Variants in AGBL2 observed in about 807,000 individuals in gnomAD.
AGBL2 encodes the protein AGBL carboxypeptidase 2.
A neutral mutation model predicts 103.0 loss-of-function variants in AGBL2; 87 were observed. The observed-to-expected ratio is 0.84, with a 90% CI of 0.71 to 1.01. The LOEUF is 1.01. Among genes scored for constraint, AGBL2 ranks in the 50% least tolerant of loss-of-function variants. The probability of loss-of-function intolerance (pLI) is 0.00; values close to 1 mark genes in which losing one functional copy is unlikely to be tolerated. For missense variants in AGBL2, 904 were observed against 1,023.5 expected, an observed-to-expected ratio of 0.88 and a Z score of 1.59; for synonymous variants, 335 against 356.7, an observed-to-expected ratio of 0.94 and a Z score of 0.69.
chr11:47,679,923 T>C, intron 13 of AGBL2, 50 bp downstream of exon 13: 1 of 1,223,596 alleles, frequency 8.2e-7, no homozygotes, highest in Non-Finnish European at 1.2e-6. Flanking sequence ...ATTACAGGTG[T>C]GAGCCACCAT....
Position 47,714,670 on chromosome 11 carries a change from C to G in AGBL2, c.-20G>C, listed in dbSNP as rs1310539773. On this transcript the variant is annotated 5_prime_UTR_variant, in exon 2 of 19. Coordinates refer to ENST00000525123, the MANE Select transcript of AGBL2 (RefSeq NM_024783.4). ...GAACATGTTACTTCTGGATGGTAGG[C>G]TGAAAACTAGTCAGTGACATTAGCA... 1 of 1,613,708 alleles carries G rather than the reference C, an allele frequency of 6.2e-7. No individual in the cohort carries two copies. Among genetic ancestry groups the G allele is most frequent in the Non-Finnish European group, 8.5e-7 (1 of 1,179,788 alleles).
At chr11:47,710,610 C>G in intron 3 of AGBL2, 99 bp from the exon 4 acceptor site, 1 of 1,378,050 alleles carries the variant, frequency 7.3e-7, no homozygotes, top group South Asian at 1.2e-5. Flanking sequence ...TCACCACCCA[C>G]CACCACAGCC....
chr11:47,709,789 G>A (rs984481067), intron 4 of AGBL2, among the ~76,000 whole-genome samples: 1 of 151,864 alleles, frequency 6.6e-6, no homozygotes, highest in Admixed American at 6.6e-5. Flanking sequence ...GAGTTTTGCC[G>A]TGTTGCCCAG....
At position 47,676,810 on chromosome 11, in the gene AGBL2, T is replaced by G. The variant is rs187627901; in HGVS notation, c.2147+461A>C. Among the ~76,000 whole-genome samples the G allele has an allele frequency of 7.1e-3, 724 of 102,368 alleles. 7 individuals are homozygous for G. The highest frequency in any genetic ancestry group is 0.033 in the African/African-American group (653 of 19,604). 67.2% of individuals were successfully genotyped at this position (102,368 alleles called of 152,430 possible). Reference sequence around the variant, plus strand: ...GCCTGGGCGACAGAGCGAGCCTCCATCTCAAAAAAAAAAAAAAAAAAAAAG... The same window carrying G: ...GCCTGGGCGACAGAGCGAGCCTCCAGCTCAAAAAAAAAAAAAAAAAAAAAG... On this transcript the variant is annotated intron_variant, in intron 14 of 18. Transcript: ENST00000525123.
intron 14 of AGBL2, among the ~76,000 whole-genome samples, chr11:47,672,140 G>A (rs1325116704): frequency 6.6e-6 from 1 of 152,064 alleles, no homozygotes; most frequent in East Asian, 1.9e-4. Context: ...AAATAGAAAT[G>A]GGATCTCACT....
chr11:47,669,690 A>G (rs1465091540), intron 14 of AGBL2, among the ~76,000 whole-genome samples: 1 of 152,094 alleles, frequency 6.6e-6, no homozygotes, highest in East Asian at 1.9e-4. Context: ...TAAAAAAAAA[A>G]AAGAAAAATT....
rs139030470 is a variant in AGBL2 at position 47,673,826 on chromosome 11, G to A, written c.2147+3445C>T. Among the ~76,000 whole-genome samples, 245 of 144,502 alleles carry A rather than the reference G, an allele frequency of 1.7e-3. 7 individuals carry two copies. The East Asian group carries it at 0.037, about 22-fold the overall frequency. The allele number at this position is 144,502 out of a possible 152,430, so 94.8% of individuals were successfully genotyped here. The stretch of plus-strand genomic sequence containing the variant: ...AAAAAAAAAAAAAAATTGGCCAGGC[G>A]CAGTGGTTCATGCCTGTAATCCCAG... On this transcript the variant is annotated intron_variant, in intron 14 of 18. Transcript: ENST00000525123.
chr11:47,685,771 TG>T, intron 11 of AGBL2, 121 bp downstream of exon 11: 1 of 1,088,220 alleles, frequency 9.2e-7, no homozygotes, highest in Non-Finnish European at 1.3e-6. Flanking sequence ...AAGTCTAGGT[TG>T]CTCGGATTTA....
chr11:47,707,494 T>C (rs980060457), intron 4 of AGBL2, among the ~76,000 whole-genome samples: 1 of 152,110 alleles, frequency 6.6e-6, no homozygotes, highest in Admixed American at 6.5e-5. Context: ...CTCCCCCTTA[T>C]AGAACTATCT....
At chr11:47,691,100 A>AT in intron 9 of AGBL2, among the ~76,000 whole-genome samples, 1 of 1,434 alleles carries the variant, frequency 7.0e-4, no homozygotes, top group South Asian at 0.17. Context: ...CTAAATATAC[A>AT]AAAAAAAAAA....
chr11:47,669,459 A>T (rs751438368), intron 14 of AGBL2, among the ~76,000 whole-genome samples: 1 of 152,070 alleles, frequency 6.6e-6, no homozygotes, highest in East Asian at 1.9e-4. Flanking sequence ...CACCTTGGTC[A>T]GGAGGTGGTC....
rs371056104 is a variant in AGBL2 at position 47,685,676 on chromosome 11, C to T, written c.1788+217G>A. On this transcript the variant is annotated intron_variant, in intron 11 of 18. Coordinates refer to ENST00000525123, the MANE Select transcript of AGBL2 (RefSeq NM_024783.4). ...ACCTCAGGTAATCTGCTTGCCTTGG[C>T]CCCCCAAAGTGCTGGGATTACAGGT... Among the ~76,000 whole-genome samples, 14 of 152,144 alleles carry T rather than the reference C, an allele frequency of 9.2e-5. 1 individual carries two copies. The East Asian group carries it at 2.5e-3, about 27-fold the overall frequency.
intron 7 of AGBL2, among the ~76,000 whole-genome samples, chr11:47,702,386 A>G (rs7939420): frequency 0.59 from 89,743 of 151,888 alleles, 26,863 homozygotes; most frequent in Admixed American, 0.65. Flanking sequence ...CTGATCTCTA[A>G]GCTGGGTTAG....
chr11:47,694,238 A>AC (rs1380586477), intron 8 of AGBL2, among the ~76,000 whole-genome samples: 6 of 151,918 alleles, frequency 3.9e-5, no homozygotes, highest in Non-Finnish European at 8.8e-5. Flanking sequence ...CCAAAAAAAA[A>AC]AAAAGCACAA....
rs1440515781 is a variant in AGBL2, at chr11:47,678,343, A to ATTTTTTTTTTTTTTTTTTTTTTTTT, written c.2017-943_2017-942insAAAAAAAAAAAAAAAAAAAAAAAAA. ...TTATTTTATTTTATTTTATTATTTT[A>ATTTTTTTTTTTTTTTTTTTTTTTTT]TTTTTTTTGAGACGGAGTCTTGCTC... is the stretch of plus-strand genomic sequence containing the variant. On this transcript the variant is annotated intron_variant, in intron 13 of 18. Coordinates refer to ENST00000525123, the MANE Select transcript of AGBL2 (RefSeq NM_024783.4). Among the ~76,000 whole-genome samples the ATTTTTTTTTTTTTTTTTTTTTTTTT allele has an allele frequency of 1.1e-4, 13 of 116,866 alleles. 2 individuals carry two copies. In the South Asian group the frequency reaches 1.8e-3, roughly 16 times the overall value. 76.7% of individuals were successfully genotyped at this position (116,866 alleles called of 152,430 possible).
intron 8 of AGBL2, among the ~76,000 whole-genome samples, chr11:47,695,781 A>T (rs908076970): frequency 6.6e-6 from 1 of 151,048 alleles, no homozygotes; most frequent in Non-Finnish European, 1.5e-5. Context: ...TCTAAAAATT[A>T]AAAAAAATAG....
At chr11:47,673,289 CCAGCCTGGG>C in intron 14 of AGBL2, among the ~76,000 whole-genome samples, 2 of 152,186 alleles carry the variant, frequency 1.3e-5, no homozygotes, top group Middle Eastern at 6.8e-3. Context: ...GAGTTCAAGA[CCAGCCTGGG>C]CAACATGGTG....
chr11:47,691,729 A>AAAAAAAAAAAAAAAAATATATACATATAT lies in AGBL2; in HGVS notation c.848+373_848+374insATATATGTATATATTTTTTTTTTTTTTTT. Among the ~76,000 whole-genome samples, 36 of 4,856 alleles carry AAAAAAAAAAAAAAAAATATATACATATAT rather than the reference A, an allele frequency of 7.4e-3. 10 individuals are homozygous for AAAAAAAAAAAAAAAAATATATACATATAT. Among genetic ancestry groups the AAAAAAAAAAAAAAAAATATATACATATAT allele is most frequent in the Non-Finnish European group, 0.012 (34 of 2,742 alleles). The allele number at this position is 4,856 out of a possible 152,430, so 3.2% of individuals were successfully genotyped here. The stretch of plus-strand genomic sequence containing the variant: ...TCTCAAGAAAAAAAAAAAAAAAAAA[A>AAAAAAAAAAAAAAAAATATATACATATAT]ATATATATATATATATATATATATA... On this transcript the variant is annotated intron_variant, in intron 9 of 18. Transcript: ENST00000525123.
intron 13 of AGBL2, among the ~76,000 whole-genome samples, chr11:47,678,483 G>A (rs1239315834): frequency 6.7e-6 from 1 of 149,294 alleles, no homozygotes; most frequent in Non-Finnish European, 1.5e-5. Context: ...ACAGGCGCTT[G>A]CCACCACGCC....
Sources: gnomAD v4.1 joint callset for allele counts (sites outside exome capture counted in the v4.1 genomes callset) on GRCh38, gnomAD v4.1.1 for gene constraint, MANE v1.5 for transcripts, NCBI Gene and HGNC (gene_info 2026-07-23, HGNC 2026-07-21) for gene names.